The following ASTN2 variants were observed in gnomAD, a reference collection of about 807,000 sequenced individuals.
ASTN2 encodes the protein astrotactin 2, also known as astrotactin-2.
ASTN2 carries 54 observed loss-of-function variants against 139.8 expected under a neutral mutation model. That is an observed-to-expected ratio of 0.39 (90% CI 0.31 to 0.48). The LOEUF (loss-of-function observed/expected upper bound fraction) is 0.48. Among genes scored for constraint, ASTN2 ranks in the 20% least tolerant of loss-of-function variants. ASTN2 has a pLI of 0.95. For missense variants in ASTN2, 1,565 were observed against 1,725.1 expected, an observed-to-expected ratio of 0.91 and a Z score of 1.64; for synonymous variants, 756 against 719.5, an observed-to-expected ratio of 1.05 and a Z score of -0.81.
intron 10 of ASTN2, among the ~76,000 whole-genome samples, chr9:116,910,266 G>A (rs765506616): frequency 4.6e-5 from 7 of 152,168 alleles, no homozygotes; most frequent in Non-Finnish European, 8.8e-5. Context: ...TTAAAGATGC[G>A]TGTATCTTTC....
chr9:116,944,675 C>T (rs1244012013), intron 10 of ASTN2, among the ~76,000 whole-genome samples: 1 of 104,356 alleles, frequency 9.6e-6, no homozygotes, highest in African/African-American at 3.9e-5. Flanking sequence ...GAGTAAGACT[C>T]TGTCTCAAAA....
At chr9:116,971,458 A>G (rs1364020799) in intron 10 of ASTN2, among the ~76,000 whole-genome samples, 1 of 152,092 alleles carries the variant, frequency 6.6e-6, no homozygotes, top group Non-Finnish European at 1.5e-5. Flanking sequence ...TTCTTTTCCA[A>G]TCCTTTCCAG....
chr9:117,214,652 G>T lies in ASTN2; in HGVS notation c.721C>A (p.Gln241Lys), dbSNP rs781736141. Reference sequence around the variant, plus strand: ...GTGGCTTCTGTGCTTGCGCTCTTCTGGGGGATGCGGCGACGCTTCTGCCAA... The same window carrying T: ...GTGGCTTCTGTGCTTGCGCTCTTCTTGGGGATGCGGCGACGCTTCTGCCAA... ...RRWQKRRRIP[Q>K]KSASTEATHE... Residue 241 changes from glutamine (Q) to lysine (K), a missense_variant, in exon 3 of 23, where the codon CAG (glutamine) becomes AAG (lysine). Transcript: ENST00000313400. The T allele has an allele frequency of 5.1e-6, 8 of 1,557,770 alleles. No individual in the cohort carries two copies. The African/African-American group carries it at 9.5e-5, about 18-fold the overall frequency.
intron 17 of ASTN2, among the ~76,000 whole-genome samples, chr9:116,626,936 A>G (rs1488165555): frequency 6.6e-6 from 1 of 152,206 alleles, no homozygotes; most frequent in African/African-American, 2.4e-5. Flanking sequence ...CGTCATCAGC[A>G]TATCTCCTCA....
chr9:116,884,602 G>A (rs1446615934), intron 10 of ASTN2, among the ~76,000 whole-genome samples: 6 of 151,958 alleles, frequency 3.9e-5, no homozygotes, highest in Non-Finnish European at 8.8e-5. Context: ...AACCCCAGAC[G>A]CAGAGGTTGC....
At position 117,096,063 on chromosome 9, in the gene ASTN2, G is replaced by A. The variant is rs56355255; in HGVS notation, c.1257C>T (p.Arg419=). 3.5e-3 allele frequency: 5,719 copies of A among 1,614,020 alleles called. 18 individuals carry two copies. The highest frequency in any genetic ancestry group is 4.2e-3 in the Non-Finnish European group (5,011 of 1,179,934). ...TATTACCTTTGCTGCGGCGGCGACT[G>A]CGGTACTGCTCCGTGTAGAATGTCA... The part of the protein sequence containing the change: ...TQLTFYTEQY[R]SRRRSKGLLK... Residue 419 remains arginine (R), a synonymous_variant, in exon 5 of 23, where the codon CGC becomes CGT. Transcript: ENST00000313400.
At chr9:116,783,943 T>C (rs1312677111) in intron 13 of ASTN2, among the ~76,000 whole-genome samples, 1 of 152,110 alleles carries the variant, frequency 6.6e-6, no homozygotes, top group Non-Finnish European at 1.5e-5. Flanking sequence ...TTTATAATAA[T>C]GAAGAGTCAA....
chr9:116,926,427 C>G (rs1421291196), intron 10 of ASTN2, among the ~76,000 whole-genome samples: 1 of 152,168 alleles, frequency 6.6e-6, no homozygotes, highest in East Asian at 1.9e-4. Flanking sequence ...CTTGTAGAAA[C>G]TTCTCTGCTC....
intron 13 of ASTN2, among the ~76,000 whole-genome samples, chr9:116,764,705 A>C (rs759413774): frequency 2.0e-5 from 3 of 152,278 alleles, no homozygotes; most frequent in East Asian, 3.9e-4. Flanking sequence ...AAGAAGTGTG[A>C]TCCCTTTCTT....
At chr9:116,982,232 C>T (rs1177090896) in intron 7 of ASTN2, among the ~76,000 whole-genome samples, 1 of 152,172 alleles carries the variant, frequency 6.6e-6, no homozygotes, top group East Asian at 1.9e-4. Flanking sequence ...TTCAAATTTG[C>T]AAGAACCTGA....
intron 19 of ASTN2, among the ~76,000 whole-genome samples, chr9:116,532,241 T>G (rs920246312): frequency 1.3e-5 from 2 of 152,142 alleles, no homozygotes; most frequent in African/African-American, 2.4e-5. Context: ...GTTTGAGTTC[T>G]TTGTAGATTC....
intron 10 of ASTN2, among the ~76,000 whole-genome samples, chr9:116,922,926 A>C (rs1476063128): frequency 1.3e-5 from 2 of 152,136 alleles, no homozygotes; most frequent in East Asian, 3.9e-4. Context: ...AAAACAATAG[A>C]CTCACAGGAC....
intron 15 of ASTN2, among the ~76,000 whole-genome samples, 164 bp downstream of exon 15, chr9:116,728,828 C>T (rs1828700800): frequency 6.6e-6 from 1 of 152,174 alleles, no homozygotes; most frequent in Non-Finnish European, 1.5e-5. Context: ...GTCTGTCAGA[C>T]TCCTGTCCAC....
chr9:116,903,979 C>G (rs1834089696), intron 10 of ASTN2, among the ~76,000 whole-genome samples: 1 of 152,194 alleles, frequency 6.6e-6, no homozygotes, highest in Non-Finnish European at 1.5e-5. Flanking sequence ...GATCAATGTT[C>G]ATGTCTCAGA....
chr9:116,556,684 C>A (rs1852634574), intron 19 of ASTN2, among the ~76,000 whole-genome samples: 1 of 152,150 alleles, frequency 6.6e-6, no homozygotes, highest in South Asian at 2.1e-4. Context: ...CTCTAGCTTT[C>A]TAAGACTTTA....
chr9:117,298,670 G>GTGTATA lies in ASTN2; in HGVS notation c.443-7158_443-7157insTATACA, dbSNP rs1554717041. ...TCTTGGTGTGTGTATATATATATGTGTATATATATATATATATATATGTGC... is the reference window on the plus strand; with the variant it reads ...TCTTGGTGTGTGTATATATATATGTGTGTATATATATATATATATATATATATGTGC... On this transcript the variant is annotated intron_variant, in intron 1 of 22. Transcript: ENST00000313400. 1.2e-4 allele frequency among the ~76,000 whole-genome samples: 16 copies of GTGTATA among 136,468 alleles called. No homozygotes were observed. The East Asian group carries it at 2.1e-3, about 18-fold the overall frequency. The allele number at this position is 136,468 out of a possible 152,430, so 89.5% of individuals were successfully genotyped here.
Position 117,047,042 on chromosome 9 carries a change from C to T in ASTN2, c.1277-7077G>A, listed in dbSNP as rs141023369. Among the ~76,000 whole-genome samples, 86 of 152,268 alleles carry T rather than the reference C, an allele frequency of 5.6e-4. No individual in the cohort carries two copies. The East Asian group carries it at 9.1e-3, about 16-fold the overall frequency. ...ATATCAGGGTGACCACTGTAGATTGCTGAGTGCCTCATTAACCTCACTGAG... is the reference window on the plus strand; with the variant it reads ...ATATCAGGGTGACCACTGTAGATTGTTGAGTGCCTCATTAACCTCACTGAG... On this transcript the variant is annotated intron_variant, in intron 5 of 22. Coordinates refer to ENST00000313400, the MANE Select transcript of ASTN2 (RefSeq NM_001365068.1).
At chr9:117,265,634 C>T (rs7857268) in intron 2 of ASTN2, among the ~76,000 whole-genome samples, 89,148 of 151,914 alleles carry the variant, frequency 0.59, 26,866 homozygotes, top group East Asian at 0.72. Flanking sequence ...TGCCAACCAG[C>T]AATCAACAAA....
intron 2 of ASTN2, among the ~76,000 whole-genome samples, chr9:117,287,655 T>C (rs1162316667): frequency 1.3e-5 from 2 of 152,204 alleles, no homozygotes; most frequent in African/African-American, 4.8e-5. Context: ...CTGCCTGGCA[T>C]ACAGTAAATA....
Sources: allele counts gnomAD v4.1 joint callset (sites outside exome capture counted in the v4.1 genomes callset), GRCh38; gene constraint gnomAD v4.1.1; transcripts MANE v1.5; gene names NCBI Gene and HGNC (gene_info 2026-07-23, HGNC 2026-07-21).